The following AKAP6 variants were observed in gnomAD, a reference collection of about 807,000 sequenced individuals.
AKAP6 encodes the protein A-kinase anchor protein 6.
A neutral mutation model predicts 188.5 loss-of-function variants in AKAP6; 58 were observed. That is an observed-to-expected ratio of 0.31 (90% CI 0.25 to 0.38). The LOEUF is 0.38. Among genes scored for constraint, AKAP6 ranks in the 10% least tolerant of loss-of-function variants. The pLI is 1.00. For synonymous variants in AKAP6, 989 were observed against 998.6 expected, an observed-to-expected ratio of 0.99 and a Z score of 0.18; for missense variants, 2,710 against 2,740.0, an observed-to-expected ratio of 0.99 and a Z score of 0.24.
intron 1 of AKAP6, among the ~76,000 whole-genome samples, chr14:32,335,422 A>G (rs1388260971): frequency 6.6e-6 from 1 of 152,102 alleles, no homozygotes; most frequent in Non-Finnish European, 1.5e-5. Context: ...TTTGAGTTTC[A>G]GACTCCCCAC....
rs766438234 is a variant in AKAP6, at chr14:32,773,703, G to A, written c.3398G>A (p.Arg1133Gln). The A allele has an allele frequency of 1.9e-4, 311 of 1,613,900 alleles. No individual in the cohort carries two copies. Among genetic ancestry groups the A allele is most frequent in the Non-Finnish European group, 2.6e-4 (301 of 1,179,946 alleles). Residue 1133 changes from arginine (R) to glutamine (Q), a missense_variant, in exon 12 of 14, where the codon CGA (arginine) becomes CAA (glutamine). Coordinates refer to ENST00000280979, the MANE Select transcript of AKAP6 (RefSeq NM_004274.5). ...TCCCTCTGTCGTGAAATCAAGCAAC[G>A]ACGTCGAGGAGTTGCCTCCATTCTG... ...FKSLCREIKQ[R>Q]RRGVASILRL...
chr14:32,698,794 A>G (rs1890510564), intron 9 of AKAP6, among the ~76,000 whole-genome samples: 1 of 152,206 alleles, frequency 6.6e-6, no homozygotes, highest in Admixed American at 6.5e-5. Flanking sequence ...GTGAGTTTAA[A>G]AATCAAGGAT....
intron 1 of AKAP6, among the ~76,000 whole-genome samples, chr14:32,377,919 T>C (rs1200330414): frequency 1.3e-5 from 2 of 152,158 alleles, no homozygotes; most frequent in African/African-American, 4.8e-5. Flanking sequence ...AATTTGCATA[T>C]GTTAAGGTGG....
chr14:32,400,563 C>CTAAAAAAAAAAAAA lies in AKAP6; in HGVS notation c.-34-32897_-34-32896insTAAAAAAAAAAAAA, dbSNP rs1555325478. Among the ~76,000 whole-genome samples the CTAAAAAAAAAAAAA allele has an allele frequency of 1.9e-4, 14 of 73,976 alleles. 2 individuals carry two copies. The highest frequency in any genetic ancestry group is 2.6e-4 in the Non-Finnish European group (11 of 42,560). The allele number at this position is 73,976 out of a possible 152,430, so 48.5% of individuals were successfully genotyped here. Reference sequence around the variant, plus strand: ...TTCAAGATATTTAGTCCACTTTTAGCAAAAAAAAAAAAAAAAGACAGTAAG... The same window carrying CTAAAAAAAAAAAAA: ...TTCAAGATATTTAGTCCACTTTTAGCTAAAAAAAAAAAAAAAAAAAAAAAAAAAAAGACAGTAAG... On this transcript the variant is annotated intron_variant, in intron 1 of 13. Coordinates refer to ENST00000280979, the MANE Select transcript of AKAP6 (RefSeq NM_004274.5).
rs1445553169 is a variant in AKAP6 at position 32,732,446 on chromosome 14, C to T, written c.3001-8C>T. ...CTAATGATATCTCTTTTTCTCTTTT[C>T]ATTTTAGCGATACAGTGTGGAAATG... is the stretch of plus-strand genomic sequence containing the variant. On this transcript the variant is annotated splice_region_variant and splice_polypyrimidine_tract_variant and intron_variant, in intron 9 of 13. Transcript: ENST00000280979. 1 of 1,603,838 alleles carries T rather than the reference C, an allele frequency of 6.2e-7. No individual in the cohort carries two copies.
intron 2 of AKAP6, chr14:32,474,216 ATGCTAAGAGAATTTAAT>A (rs1878936204): frequency 6.6e-6 from 1 of 152,110 alleles, no homozygotes; most frequent in African/African-American, 2.4e-5. Context: ...TTTTTCATCA[ATGCTAAGAGAATTTAAT>A]TCTTTCCACA....
chr14:32,456,050 G>A (rs1362070328), intron 2 of AKAP6, among the ~76,000 whole-genome samples: 3 of 151,954 alleles, frequency 2.0e-5, no homozygotes, highest in Non-Finnish European at 2.9e-5. Flanking sequence ...TTTTTCGGTG[G>A]TAGAGGAGCA....
At chr14:32,430,277 G>T (rs962810172) in intron 1 of AKAP6, among the ~76,000 whole-genome samples, 3 of 152,092 alleles carry the variant, frequency 2.0e-5, no homozygotes, top group African/African-American at 7.2e-5. Context: ...ATCTAGTTCC[G>T]TTTTGTCATT....
chr14:32,740,729 A>G (rs1165425723), intron 11 of AKAP6, among the ~76,000 whole-genome samples: 1 of 151,882 alleles, frequency 6.6e-6, no homozygotes, highest in Admixed American at 6.6e-5. Context: ...CCATTCGTCT[A>G]TGTGTCTATT....
chr14:32,480,122 T>G (rs1462265918), intron 2 of AKAP6, among the ~76,000 whole-genome samples: 2 of 152,268 alleles, frequency 1.3e-5, no homozygotes, highest in African/African-American at 4.8e-5. Flanking sequence ...AGTCTGTCTT[T>G]GAGGTATTTT....
chr14:32,713,539 T>G (rs2030010171), intron 9 of AKAP6, among the ~76,000 whole-genome samples: 1 of 152,020 alleles, frequency 6.6e-6, no homozygotes, highest in South Asian at 2.1e-4. Flanking sequence ...TTATCAATGA[T>G]CTTAGCTAGA....
At chr14:32,459,637 G>GAA (rs754031698) in intron 2 of AKAP6, among the ~76,000 whole-genome samples, 1 of 117,438 alleles carries the variant, frequency 8.5e-6, no homozygotes, top group South Asian at 2.6e-4. Flanking sequence ...TTACAAAAAG[G>GAA]AAAAAAAAAA....
At chr14:32,576,258 T>C (rs1884711248) in intron 4 of AKAP6, among the ~76,000 whole-genome samples, 1 of 152,140 alleles carries the variant, frequency 6.6e-6, no homozygotes, top group Non-Finnish European at 1.5e-5. Context: ...TGTGGAAGCC[T>C]GCCCTTGCTC....
chr14:32,437,431 A>G (rs1197941513), intron 2 of AKAP6, among the ~76,000 whole-genome samples: 2 of 152,214 alleles, frequency 1.3e-5, no homozygotes. Flanking sequence ...GTCAATACAT[A>G]ACTTTTTAAA....
chr14:32,439,851 A>G (rs1890512172), intron 2 of AKAP6, among the ~76,000 whole-genome samples: 1 of 152,328 alleles, frequency 6.6e-6, no homozygotes, highest in South Asian at 2.1e-4. Flanking sequence ...CGAAGCATTC[A>G]ATTTATACCA....
intron 11 of AKAP6, among the ~76,000 whole-genome samples, chr14:32,754,908 C>T (rs1247607401): frequency 6.6e-6 from 1 of 152,154 alleles, no homozygotes; most frequent in East Asian, 1.9e-4. Context: ...AGTTGCTTTT[C>T]TCATGCTGCT....
At chr14:32,815,369 T>C (rs2034351250) in intron 12 of AKAP6, among the ~76,000 whole-genome samples, 1 of 152,222 alleles carries the variant, frequency 6.6e-6, no homozygotes, top group Admixed American at 6.5e-5. Context: ...ATCTGATAGA[T>C]AGTGAGCAGG....
At chr14:32,793,773 T>C (rs2033680576) in intron 12 of AKAP6, among the ~76,000 whole-genome samples, 1 of 151,330 alleles carries the variant, frequency 6.6e-6, no homozygotes, top group African/African-American at 2.4e-5. Flanking sequence ...CATTAAATAA[T>C]GGTAAAGGCT....
rs187097349 is a variant in AKAP6 at position 32,379,212 on chromosome 14, G to T, written c.-35+49804G>T. On this transcript the variant is annotated intron_variant, in intron 1 of 13. Transcript: ENST00000280979. ...TGAGATTACAGGTGTGAGCCACTGC[G>T]CCCAGCCATGAGTGTAAGATTATTT... Among the ~76,000 whole-genome samples, 71 of 152,192 alleles carry T rather than the reference G, an allele frequency of 4.7e-4. 4 individuals are homozygous for T. In the East Asian group the frequency reaches 0.012, roughly 26 times the overall value.
Sources: gnomAD v4.1 joint callset for allele counts (sites outside exome capture counted in the v4.1 genomes callset) on GRCh38, gnomAD v4.1.1 for gene constraint, MANE v1.5 for transcripts, NCBI Gene and HGNC (gene_info 2026-07-23, HGNC 2026-07-21) for gene names.